The following BRIP1 variants were observed in gnomAD, a reference collection of about 807,000 sequenced individuals.
BRIP1 encodes Fanconi anemia group J protein.
In BRIP1, 88 loss-of-function variants were observed where a neutral mutation model predicts 119.7. The ratio of observed to expected loss-of-function variants is 0.74; its 90% CI spans 0.62 to 0.88. The LOEUF (loss-of-function observed/expected upper bound fraction) is 0.88, where lower values mean the gene tolerates loss of function less well. BRIP1 is among the 40% of genes least tolerant of loss of function. The pLI is 0.00. For synonymous variants in BRIP1, 443 were observed against 496.5 expected (o/e 0.89, Z 1.43); for missense variants, 1,259 against 1,455.4 (o/e 0.87, Z 2.20).
intron 14 of BRIP1, among the ~76,000 whole-genome samples, chr17:61,765,382 TATATATA>T (rs1567798687): frequency 0.034 from 621 of 18,202 alleles, 12 homozygotes; most frequent in Middle Eastern, 0.053. Flanking sequence ...GTATATATTA[TATATATA>T]TATATATATA....
intron 6 of BRIP1, among the ~76,000 whole-genome samples, chr17:61,817,212 C>G (rs934291009): frequency 3.3e-5 from 5 of 151,950 alleles, no homozygotes; most frequent in Admixed American, 2.6e-4. Context: ...CAAAAAGAAC[C>G]TGGGAATAGA....
rs1218350234 is a variant in BRIP1, at chr17:61,717,193, G to C, written c.2380-1130C>G. Among the ~76,000 whole-genome samples, 1 of 151,854 alleles carries C rather than the reference G, an allele frequency of 6.6e-6. No homozygotes were observed. The highest frequency in any genetic ancestry group is 2.4e-5 in the African/African-American group (1 of 41,330). Reference sequence around the variant, plus strand: ...AATGTTAACATCTTATATTACTATAGCTCATGTCAAATTAAGAAATTAACA... The same window carrying C: ...AATGTTAACATCTTATATTACTATACCTCATGTCAAATTAAGAAATTAACA... On this transcript the variant is annotated intron_variant, in intron 16 of 19. Coordinates refer to ENST00000259008, the MANE Select transcript of BRIP1 (RefSeq NM_032043.3). This position sits in a 1 kb window ranked among gnomAD's most constrained non-coding sequence, Gnocchi z 4.1.
In BRIP1 at chr17:61,844,553, G is replaced by A. The variant is rs1236302520; in HGVS notation, c.627+2548C>T. ...TACAGTGGGCTATGATCACACCACT[G>A]CGTTACAACATGGGCAACACATTGA... On this transcript the variant is annotated intron_variant, in intron 6 of 19. Coordinates refer to ENST00000259008, the MANE Select transcript of BRIP1 (RefSeq NM_032043.3). The surrounding 1 kb of genome is among the most constrained non-coding windows in gnomAD (Gnocchi z 4.7). 6.6e-6 allele frequency among the ~76,000 whole-genome samples: 1 copy of A among 152,138 alleles called. No individual in the cohort carries two copies. The highest frequency in any genetic ancestry group is 1.5e-5 in the Non-Finnish European group (1 of 68,038).
intron 3 of BRIP1, among the ~76,000 whole-genome samples, chr17:61,859,337 A>G (rs2078941819): frequency 6.6e-6 from 1 of 152,132 alleles, no homozygotes; most frequent in South Asian, 2.1e-4. Flanking sequence ...TTTTTATAAT[A>G]ACTCTAAGCA....
Position 61,743,185 on chromosome 17 carries a change from T to A in BRIP1, c.2258-51A>T, listed in dbSNP as rs2077010883. The A allele has an allele frequency of 6.3e-7, 1 of 1,592,400 alleles. No homozygotes were observed. The highest frequency in any genetic ancestry group is 1.3e-5 in the African/African-American group (1 of 74,422). On this transcript the variant is annotated intron_variant, in intron 15 of 19. Transcript: ENST00000259008. The surrounding 1 kb of genome is among the most constrained non-coding windows in gnomAD (Gnocchi z 4.3). ...CAAAATTCTCAGAAATTGCTTATTC[T>A]TGTCATTTTGAAAATACCTGATTTA... is the stretch of plus-strand genomic sequence containing the variant.
intron 14 of BRIP1, among the ~76,000 whole-genome samples, chr17:61,763,396 T>TA (rs1395186402): frequency 2.0e-5 from 3 of 152,144 alleles, no homozygotes; most frequent in African/African-American, 4.8e-5. Flanking sequence ...AAAACTGGTA[T>TA]AAAAAATACC....
At position 61,857,800 on chromosome 17, in the gene BRIP1, TA is replaced by T. The variant is rs1290307627; in HGVS notation, c.206-570del. Among the ~76,000 whole-genome samples, 1 of 152,194 alleles carries T rather than the reference TA, an allele frequency of 6.6e-6. No homozygotes were observed. Among genetic ancestry groups the T allele is most frequent in the Non-Finnish European group, 1.5e-5 (1 of 68,026 alleles). ...CTGTAAAAATCTAATAATCTAAGAT[TA>T]ATAATGTAATAAAAGTACAACTACT... is the stretch of plus-strand genomic sequence containing the variant. On this transcript the variant is annotated intron_variant, in intron 3 of 19. Transcript: ENST00000259008. The surrounding 1 kb of genome is among the most constrained non-coding windows in gnomAD (Gnocchi z 5.1).
In BRIP1 at chr17:61,789,257, ACT is replaced by A. The variant is rs1482902116; in HGVS notation, c.1473+4338_1473+4339del. ...ACTTCATTCCGGGCAACACAGCAAG[ACT>A]CTGTCTCTTAAAAACAAAAAAAAAA... On this transcript the variant is annotated intron_variant, in intron 10 of 19. Coordinates refer to ENST00000259008, the MANE Select transcript of BRIP1 (RefSeq NM_032043.3). This position sits in a 1 kb window ranked among gnomAD's most constrained non-coding sequence, Gnocchi z 4.8. 1.3e-5 allele frequency among the ~76,000 whole-genome samples: 2 copies of A among 151,534 alleles called. No individual in the cohort carries two copies. Among genetic ancestry groups the A allele is most frequent in the African/African-American group, 2.4e-5 (1 of 41,208 alleles).
At chr17:61,833,612 A>C (rs1040028614) in intron 6 of BRIP1, among the ~76,000 whole-genome samples, 5 of 151,528 alleles carry the variant, frequency 3.3e-5, no homozygotes, top group Non-Finnish European at 7.4e-5. Context: ...TGGAGGTTGC[A>C]GTGAGCCAAA....
rs1317461044 is a variant in BRIP1 at position 61,844,429 on chromosome 17, A to T, written c.627+2672T>A. On this transcript the variant is annotated intron_variant, in intron 6 of 19. Transcript: ENST00000259008. The surrounding 1 kb of genome is among the most constrained non-coding windows in gnomAD (Gnocchi z 4.7). ...GTGAGACCTCATCTCTACAAAAAAT[A>T]AAAATAAAAAATTAGCTGGGCATGG... Among the ~76,000 whole-genome samples the T allele has an allele frequency of 6.6e-6, 1 of 152,162 alleles. No individual in the cohort carries two copies. Among genetic ancestry groups the T allele is most frequent in the Non-Finnish European group, 1.5e-5 (1 of 68,028 alleles).
rs1031430243 is a variant in BRIP1 at position 61,810,762 on chromosome 17, T to C, written c.628-2005A>G. On this transcript the variant is annotated intron_variant, in intron 6 of 19. Coordinates refer to ENST00000259008, the MANE Select transcript of BRIP1 (RefSeq NM_032043.3). This position sits in a 1 kb window ranked among gnomAD's most constrained non-coding sequence, Gnocchi z 4.7. ...AAATTCAAACAATAATACAGAAATA[T>C]TTTTTAAAAATCAACTATCCCATCA... Among the ~76,000 whole-genome samples the C allele has an allele frequency of 1.3e-5, 2 of 152,208 alleles. No individual in the cohort carries two copies. Among genetic ancestry groups the C allele is most frequent in the African/African-American group, 4.8e-5 (2 of 41,460 alleles).
In BRIP1 at chr17:61,857,197, A is replaced by C. The variant is rs745422385; in HGVS notation, c.240T>G (p.Ala80=). 6.2e-7 allele frequency: 1 copy of C among 1,614,092 alleles called. No homozygotes were observed. Among genetic ancestry groups the C allele is most frequent in the Admixed American group, 1.7e-5 (1 of 60,022 alleles). The change falls in exon 4 of 20, where the codon GCT becomes GCG. Residue 80 remains alanine, a synonymous_variant. Coordinates refer to ENST00000259008, the MANE Select transcript of BRIP1 (RefSeq NM_032043.3). The surrounding 1 kb of genome is among the most constrained non-coding windows in gnomAD (Gnocchi z 5.1). ...KPADEGVSEK[A]EVQLSCCCAC... ...CACAACAACATGACAATTGTACTTCAGCTTTTTCACTTACGCCCTCATCTG... is the reference window on the plus strand; with the variant it reads ...CACAACAACATGACAATTGTACTTCCGCTTTTTCACTTACGCCCTCATCTG...
At chr17:61,850,104 C>CA (rs2078795032) in intron 4 of BRIP1, among the ~76,000 whole-genome samples, 1 of 139,900 alleles carries the variant, frequency 7.1e-6, no homozygotes, top group African/African-American at 2.6e-5. Flanking sequence ...TTTTAACCAT[C>CA]TTTTTTTTTT....
intron 16 of BRIP1, among the ~76,000 whole-genome samples, chr17:61,723,323 G>C (rs2062012972): frequency 6.6e-6 from 1 of 152,162 alleles, no homozygotes; most frequent in Non-Finnish European, 1.5e-5. Context: ...ACTTTTACCT[G>C]CTCATCCTTA....
In BRIP1 at chr17:61,808,768, G is replaced by C. The variant is rs762672738; in HGVS notation, c.628-11C>G. ...ACAGTGGCCAGGGGGCTGTAAGAAA[G>C]GAAAGAAACGATAACTAATATCTAA... is the stretch of plus-strand genomic sequence containing the variant. On this transcript the variant is annotated splice_polypyrimidine_tract_variant and intron_variant, in intron 6 of 19. Transcript: ENST00000259008. The surrounding 1 kb of genome is among the most constrained non-coding windows in gnomAD (Gnocchi z 4.1). The C allele has an allele frequency of 2.5e-5, 41 of 1,608,676 alleles. No homozygotes were observed. Among genetic ancestry groups the C allele is most frequent in the Non-Finnish European group, 2.9e-5 (34 of 1,178,930 alleles).
rs1340087784 is a variant in BRIP1, at chr17:61,822,469, A to C, written c.628-13712T>G. On this transcript the variant is annotated intron_variant, in intron 6 of 19. Coordinates refer to ENST00000259008, the MANE Select transcript of BRIP1 (RefSeq NM_032043.3). This position sits in a 1 kb window ranked among gnomAD's most constrained non-coding sequence, Gnocchi z 4.4. ...GTTATGTGCCCTCTGGGAAAAATGC[A>C]CCAAAAAGCGCCAAGGAAGAAAGGG... 2.0e-5 allele frequency among the ~76,000 whole-genome samples: 3 copies of C among 152,156 alleles called. No homozygotes were observed. Among genetic ancestry groups the C allele is most frequent in the Non-Finnish European group, 4.4e-5 (3 of 68,014 alleles).
Position 61,846,674 on chromosome 17 carries a change from A to C in BRIP1, c.627+427T>G, listed in dbSNP as rs2078737962. Among the ~76,000 whole-genome samples, 1 of 124,018 alleles carries C rather than the reference A, an allele frequency of 8.1e-6. No homozygotes were observed. Among genetic ancestry groups the C allele is most frequent in the Admixed American group, 7.2e-5 (1 of 13,902 alleles). 81.4% of individuals were successfully genotyped at this position (124,018 alleles called of 152,430 possible). On this transcript the variant is annotated intron_variant, in intron 6 of 19. Transcript: ENST00000259008. The surrounding 1 kb of genome is among the most constrained non-coding windows in gnomAD (Gnocchi z 4.3). The stretch of plus-strand genomic sequence containing the variant: ...AGTGCTGGGATTACAGGCGTGAGCC[A>C]CCACGCCTGGCCTACAACATCTTAA...
chr17:61,835,774 C>A (rs2078562925), intron 6 of BRIP1, among the ~76,000 whole-genome samples: 1 of 151,492 alleles, frequency 6.6e-6, no homozygotes, highest in Non-Finnish European at 1.5e-5. Flanking sequence ...ATGATAACAG[C>A]AAAACTTCAA....
chr17:61,744,427 G>A lies in BRIP1; in HGVS notation c.2257+5C>T, dbSNP rs1057523068. Reference sequence around the variant, plus strand: ...TTCACCGACCATGAAATAATTTCCAGTTACCTTTCTCTCCTTTGTATTTGA... The same window carrying A: ...TTCACCGACCATGAAATAATTTCCAATTACCTTTCTCTCCTTTGTATTTGA... On this transcript the variant is annotated splice_donor_5th_base_variant and intron_variant, in intron 15 of 19. Transcript: ENST00000259008. The surrounding 1 kb of genome is among the most constrained non-coding windows in gnomAD (Gnocchi z 5.0). 1 of 1,613,090 alleles carries A rather than the reference G, an allele frequency of 6.2e-7. No homozygotes were observed. The highest frequency in any genetic ancestry group is 8.5e-7 in the Non-Finnish European group (1 of 1,179,516).
Sources: allele counts gnomAD v4.1 joint callset (sites outside exome capture counted in the v4.1 genomes callset), GRCh38; gene constraint gnomAD v4.1.1; non-coding constraint Gnocchi (gnomAD v3.1); transcripts MANE v1.5; gene names NCBI Gene and HGNC (gene_info 2026-07-23, HGNC 2026-07-21).